The following CPED1 variants were observed in gnomAD, a reference collection of about 807,000 sequenced individuals.
The protein encoded by CPED1 is cadherin like and PC-esterase domain containing 1.
CPED1 carries 114 observed loss-of-function variants against 128.2 expected under a neutral mutation model. The ratio of observed to expected loss-of-function variants is 0.89; its 90% CI spans 0.76 to 1.04. The LOEUF (loss-of-function observed/expected upper bound fraction) is 1.04, where lower values mean the gene tolerates loss of function less well. CPED1 is among the 50% of genes least tolerant of loss of function. The probability of loss-of-function intolerance (pLI) is 0.00; values close to 1 mark genes in which losing one functional copy is unlikely to be tolerated. For missense variants in CPED1, 1,211 were observed against 1,207.1 expected, an observed-to-expected ratio of 1.00 and a Z score of -0.05; for synonymous variants, 462 against 426.7, an observed-to-expected ratio of 1.08 and a Z score of -1.02.
chr7:121,234,928 C>T (rs1798219795), intron 16 of CPED1, among the ~76,000 whole-genome samples: 1 of 152,084 alleles, frequency 6.6e-6, no homozygotes, highest in African/African-American at 2.4e-5. Flanking sequence ...TATCCTTATA[C>T]ATATCCCTTA....
At chr7:121,213,820 C>A (rs188552197) in intron 16 of CPED1, among the ~76,000 whole-genome samples, 1 of 152,146 alleles carries the variant, frequency 6.6e-6, no homozygotes, top group Non-Finnish European at 1.5e-5. Flanking sequence ...ATGTTAACAT[C>A]TTGCATGACC....
At chr7:121,216,271 C>G (rs914247296) in intron 16 of CPED1, among the ~76,000 whole-genome samples, 4 of 128,016 alleles carry the variant, frequency 3.1e-5, no homozygotes, top group Non-Finnish European at 3.5e-5. Flanking sequence ...CATCTCTGGT[C>G]CAAAGTGTCT....
intron 2 of CPED1, among the ~76,000 whole-genome samples, chr7:120,999,477 T>G (rs560108111): frequency 6.6e-6 from 1 of 152,298 alleles, no homozygotes; most frequent in East Asian, 1.9e-4. Context: ...ATCCTCATTG[T>G]CACCATCATC....
chr7:121,117,529 A>AT (rs965296882), intron 7 of CPED1, among the ~76,000 whole-genome samples: 9 of 151,600 alleles, frequency 5.9e-5, no homozygotes, highest in African/African-American at 1.9e-4. Flanking sequence ...TAAAAATCTG[A>AT]TTTTTTTCCT....
chr7:121,212,793 G>A (rs1243571297), intron 16 of CPED1, among the ~76,000 whole-genome samples: 5 of 151,902 alleles, frequency 3.3e-5, no homozygotes, highest in Admixed American at 1.3e-4. Context: ...TCATATTAAG[G>A]CAAATACTTT....
At chr7:121,264,131 A>G (rs1003712724) in intron 18 of CPED1, among the ~76,000 whole-genome samples, 3 of 152,068 alleles carry the variant, frequency 2.0e-5, no homozygotes, top group African/African-American at 7.2e-5. Flanking sequence ...CAAGCCAGAG[A>G]GGGCCTTGGA....
At chr7:121,136,176 A>G in intron 14 of CPED1, 86 bp downstream of exon 14, 2 of 1,282,328 alleles carry the variant, frequency 1.6e-6, no homozygotes, top group Non-Finnish European at 2.1e-6. Flanking sequence ...ATTTTATTAT[A>G]TGTGGGTATC....
chr7:121,215,233 G>A (rs1797735593), intron 16 of CPED1, among the ~76,000 whole-genome samples: 1 of 151,944 alleles, frequency 6.6e-6, no homozygotes, highest in Admixed American at 6.6e-5. Flanking sequence ...TGATGTGTCA[G>A]TTGCACTCAT....
At chr7:121,066,176 T>C (rs918876183) in intron 5 of CPED1, among the ~76,000 whole-genome samples, 1 of 152,118 alleles carries the variant, frequency 6.6e-6, no homozygotes, top group Non-Finnish European at 1.5e-5. Context: ...TAATACTATA[T>C]AATCTAGACA....
intron 16 of CPED1, among the ~76,000 whole-genome samples, chr7:121,187,338 G>A (rs1797025737): frequency 6.6e-6 from 1 of 152,146 alleles, no homozygotes; most frequent in African/African-American, 2.4e-5. Context: ...AAAATCCCAA[G>A]TATAGAAAAC....
intron 5 of CPED1, among the ~76,000 whole-genome samples, chr7:121,088,509 AT>A (rs1243243738): frequency 1.3e-5 from 2 of 151,578 alleles, no homozygotes; most frequent in Admixed American, 6.6e-5. Flanking sequence ...AATACAAAAA[AT>A]TAGTTGGGTG....
intron 3 of CPED1, among the ~76,000 whole-genome samples, chr7:121,037,016 G>A (rs530258953): frequency 5.4e-4 from 82 of 152,144 alleles, no homozygotes; most frequent in Middle Eastern, 3.4e-3. Flanking sequence ...ATTTGTTTGA[G>A]TTCCTTGTAT....
chr7:121,073,044 C>G (rs542168042), intron 5 of CPED1, among the ~76,000 whole-genome samples: 2 of 152,088 alleles, frequency 1.3e-5, no homozygotes, highest in Non-Finnish European at 2.9e-5. Context: ...ACTGACACCT[C>G]GTGCACTTGA....
intron 4 of CPED1, among the ~76,000 whole-genome samples, chr7:121,058,433 A>G (rs1312957689): frequency 6.6e-6 from 1 of 152,200 alleles, no homozygotes; most frequent in East Asian, 1.9e-4. Context: ...TCCTGAAGAC[A>G]TTTTAAAGGT....
At chr7:121,275,003 T>C (rs1468029252) in intron 22 of CPED1, among the ~76,000 whole-genome samples, 1 of 151,972 alleles carries the variant, frequency 6.6e-6, no homozygotes, top group African/African-American at 2.4e-5. Flanking sequence ...GTTGAAAAAA[T>C]TGTGTTAGAA....
At chr7:121,184,081 A>G (rs900540924) in intron 16 of CPED1, among the ~76,000 whole-genome samples, 8 of 151,912 alleles carry the variant, frequency 5.3e-5, no homozygotes, top group African/African-American at 1.7e-4. Context: ...CGGAGGTTGC[A>G]GTGAGCCAAT....
At chr7:121,215,391 C>A (rs982887638) in intron 16 of CPED1, among the ~76,000 whole-genome samples, 1 of 151,878 alleles carries the variant, frequency 6.6e-6, no homozygotes, top group South Asian at 2.1e-4. Flanking sequence ...AGTCTATGAG[C>A]AATATAATTT....
Position 120,989,683 on chromosome 7 carries a change from G to A in CPED1, c.62G>A (p.Gly21Asp), listed in dbSNP as rs758347698. Residue 21 changes from glycine to aspartate, a missense_variant, in exon 2 of 23, where the codon GGC becomes GAC. Gly to Asp is a moderately conservative substitution (Grantham distance 94, BLOSUM62 -1). Transcript: ENST00000310396. ...RRFCPRPFLV[G>D]LVVAICLFYQ... ...TTTTGCCCCCGACCCTTCTTGGTGG[G>A]CTTAGTGGTGGCAATCTGTCTCTTC... 7 of 1,613,838 alleles carry A rather than the reference G, an allele frequency of 4.3e-6. No individual in the cohort carries two copies. In the African/African-American group the frequency reaches 9.4e-5, roughly 22 times the overall value.
intron 22 of CPED1, among the ~76,000 whole-genome samples, chr7:121,290,433 A>C (rs2116789072): frequency 6.6e-6 from 1 of 152,346 alleles, no homozygotes; most frequent in Non-Finnish European, 1.5e-5. Flanking sequence ...ACAGTGTAAA[A>C]GCGTTCCTAT....
Sources: allele counts gnomAD v4.1 joint callset (sites outside exome capture counted in the v4.1 genomes callset), GRCh38; gene constraint gnomAD v4.1.1; transcripts MANE v1.5; gene names NCBI Gene and HGNC (gene_info 2026-07-23, HGNC 2026-07-21).